Variants in ANXA7 observed in about 807,000 individuals in gnomAD.
ANXA7 encodes annexin VII.
In ANXA7, 55 loss-of-function variants were observed where a neutral mutation model predicts 64.9. That is an observed-to-expected ratio of 0.85 (90% CI 0.68 to 1.06). ANXA7 has a LOEUF of 1.06. Among genes scored for constraint, ANXA7 ranks in the 50% least tolerant of loss-of-function variants. ANXA7 has a pLI of 0.00. For synonymous variants in ANXA7, 200 were observed against 192.4 expected (o/e 1.04, Z -0.33); for missense variants, 548 against 582.1 (o/e 0.94, Z 0.60).
chr10:73,392,867 G>C (rs2055508676), intron 5 of ANXA7, among the ~76,000 whole-genome samples: 2 of 152,170 alleles, frequency 1.3e-5, no homozygotes, highest in Admixed American at 6.5e-5. Flanking sequence ...TCAGGCAGGA[G>C]AAAGAAATAA....
intron 6 of ANXA7, among the ~76,000 whole-genome samples, chr10:73,388,024 T>C (rs2055406715): frequency 6.6e-6 from 1 of 152,030 alleles, no homozygotes; most frequent in Non-Finnish European, 1.5e-5. Context: ...ACTATTTTAC[T>C]TTTTATTTTT....
intron 1 of ANXA7, among the ~76,000 whole-genome samples, chr10:73,409,838 T>C (rs963982433): frequency 6.6e-6 from 1 of 152,048 alleles, no homozygotes; most frequent in Non-Finnish European, 1.5e-5. Flanking sequence ...TGGAACAAAA[T>C]AGAGAACTCA....
intron 1 of ANXA7, among the ~76,000 whole-genome samples, chr10:73,405,515 G>A (rs1184585764): frequency 6.6e-6 from 1 of 152,172 alleles, no homozygotes; most frequent in East Asian, 1.9e-4. Context: ...CTCCAGCCTG[G>A]GTGATAGGGC....
intron 9 of ANXA7, among the ~76,000 whole-genome samples, chr10:73,381,063 G>A (rs1323119749): frequency 1.3e-5 from 2 of 151,690 alleles, no homozygotes; most frequent in African/African-American, 2.4e-5. Flanking sequence ...TAAGAGACAC[G>A]ATTTCACTAT....
chr10:73,398,219 C>A lies in ANXA7; in HGVS notation c.221G>T (p.Gly74Val). Residue 74 changes from glycine (G) to valine (V), a missense_variant, in exon 3 of 13, where the codon GGT (glycine) becomes GTT (valine). Gly to Val is a moderately radical substitution (Grantham distance 109). Coordinates refer to ENST00000372921, the MANE Select transcript of ANXA7 (RefSeq NM_001156.5). ...TGGAGCTCCCCCTGGCTGTGGGGCA[C>A]CAGGATAGCCTCCAGGGGCTGGATA... ...GGYPAPGGYP[G>V]APQPGGAPSY... 1 of 1,613,720 alleles carries A rather than the reference C, an allele frequency of 6.2e-7. No homozygotes were observed. Among genetic ancestry groups the A allele is most frequent in the Non-Finnish European group, 8.5e-7 (1 of 1,179,812 alleles).
chr10:73,390,170 C>G (rs1358613058), intron 5 of ANXA7, among the ~76,000 whole-genome samples: 1 of 152,062 alleles, frequency 6.6e-6, no homozygotes, highest in Admixed American at 6.6e-5. Context: ...GCAATCAATA[C>G]CATTTCAAAA....
rs368588192 is a variant in ANXA7 at position 73,383,572 on chromosome 10, A to G, written c.747+5T>C. 31 of 1,584,460 alleles carry G rather than the reference A, an allele frequency of 2.0e-5. No homozygotes were observed. Among genetic ancestry groups the G allele is most frequent in the African/African-American group, 5.4e-5 (4 of 74,284 alleles). Reference sequence around the variant, plus strand: ...ATATTCATAATAAATGACATATAGTAGTACCTGCATTGCTTTCCGTAAGCT... The same window carrying G: ...ATATTCATAATAAATGACATATAGTGGTACCTGCATTGCTTTCCGTAAGCT... On this transcript the variant is annotated splice_donor_5th_base_variant and intron_variant, in intron 8 of 12. Transcript: ENST00000372921.
At chr10:73,408,684 T>G (rs950315306) in intron 1 of ANXA7, among the ~76,000 whole-genome samples, 1 of 151,522 alleles carries the variant, frequency 6.6e-6, no homozygotes, top group Non-Finnish European at 1.5e-5. Flanking sequence ...AAAATAATTA[T>G]ATAAAAGACT....
At position 73,383,247 on chromosome 10, in the gene ANXA7, T is replaced by C. The variant is rs147977217; in HGVS notation, c.846A>G (p.Gly282=). 3.4e-4 allele frequency: 549 copies of C among 1,614,146 alleles called. 4 individuals are homozygous for C. The African/African-American group carries it at 6.4e-3, about 19-fold the overall frequency. Residue 282 remains glycine, a synonymous_variant, in exon 9 of 13, where the codon GGA becomes GGG. Coordinates refer to ENST00000372921, the MANE Select transcript of ANXA7 (RefSeq NM_001156.5). ...ACCTAATGTCCTTTTCAAGGTCTCG[T>C]CCAAATTCTGACTGATAACATCTGA... The part of the protein sequence containing the change: ...EIVRCYQSEF[G]RDLEKDIRSD...
intron 5 of ANXA7, among the ~76,000 whole-genome samples, chr10:73,391,526 C>T (rs60568852): frequency 2.0e-5 from 3 of 152,132 alleles, no homozygotes; most frequent in South Asian, 2.1e-4. Flanking sequence ...GCAGGAGGAT[C>T]GCTTGAGCCC....
chr10:73,399,685 G>C (rs574266718), intron 2 of ANXA7, among the ~76,000 whole-genome samples: 1 of 151,994 alleles, frequency 6.6e-6, no homozygotes, highest in Non-Finnish European at 1.5e-5. Context: ...GCTGGGCGTG[G>C]TGGCACGTAC....
intron 7 of ANXA7, 134 bp downstream of exon 7, chr10:73,387,555 A>G: frequency 1.4e-6 from 1 of 704,646 alleles, no homozygotes; most frequent in Non-Finnish European, 2.5e-6. Flanking sequence ...GGAATACAGT[A>G]CCCTTGAGGT....
At chr10:73,394,874 A>C (rs1299115482) in intron 5 of ANXA7, among the ~76,000 whole-genome samples, 3 of 152,208 alleles carry the variant, frequency 2.0e-5, no homozygotes, top group African/African-American at 7.2e-5. Context: ...AATAAAAATA[A>C]AAATAAGTTG....
At position 73,383,651 on chromosome 10, in the gene ANXA7, T is replaced by C. The variant is rs2132658148; in HGVS notation, c.673A>G (p.Met225Val). The C allele has an allele frequency of 6.2e-7, 1 of 1,613,646 alleles. No homozygotes were observed. Residue 225 changes from methionine (M) to valine (V), a missense_variant, in exon 8 of 13, where the codon ATG becomes GTG. Met to Val is a conservative substitution (Grantham distance 21, BLOSUM62 1). Coordinates refer to ENST00000372921, the MANE Select transcript of ANXA7 (RefSeq NM_001156.5). ...KDLKSELSGNMEELILALFMP... is the reference protein window; with the variant it reads ...KDLKSELSGNVEELILALFMP... ...AAGAGGGCCAGGATCAGTTCTTCCA[T>C]ATTTCCACTTAACTCTGATTTGAGA...
At chr10:73,385,520 C>T (rs1444850378) in intron 7 of ANXA7, among the ~76,000 whole-genome samples, 4 of 152,062 alleles carry the variant, frequency 2.6e-5, no homozygotes, top group African/African-American at 9.7e-5. Flanking sequence ...ACAGAATACT[C>T]CCTATGATAA....
intron 2 of ANXA7, 37 bp downstream of exon 2, chr10:73,400,766 G>T (rs1364404755): frequency 1.3e-6 from 2 of 1,547,472 alleles, no homozygotes; most frequent in East Asian, 2.3e-5. Flanking sequence ...AACAACACCT[G>T]TTTTAAGGAT....
intron 1 of ANXA7, among the ~76,000 whole-genome samples, chr10:73,409,434 AAATAG>A (rs1487951847): frequency 1.3e-5 from 2 of 152,180 alleles, no homozygotes; most frequent in Non-Finnish European, 1.5e-5. Flanking sequence ...AATAAAAAAT[AAATAG>A]AATACCTAGG....
chr10:73,411,543 C>G (rs954728572), intron 1 of ANXA7, among the ~76,000 whole-genome samples: 2 of 151,868 alleles, frequency 1.3e-5, no homozygotes, highest in African/African-American at 4.8e-5. Flanking sequence ...CAGGTTCAAG[C>G]GATTCTCCTG....
chr10:73,383,464 G>C, intron 8 of ANXA7, 113 bp downstream of exon 8: 1 of 1,251,812 alleles, frequency 8.0e-7, no homozygotes, highest in Non-Finnish European at 1.1e-6. Flanking sequence ...GATGGATGAT[G>C]TGAAATAAAG....
Sources: allele counts gnomAD v4.1 joint callset (sites outside exome capture counted in the v4.1 genomes callset), GRCh38; gene constraint gnomAD v4.1.1; transcripts MANE v1.5; gene names NCBI Gene and HGNC (gene_info 2026-07-23, HGNC 2026-07-21).